Variants in MYT1L observed in about 807,000 individuals in gnomAD.
MYT1L encodes the protein myelin transcription factor 1-like protein.
In MYT1L, 12 loss-of-function variants were observed where a neutral mutation model predicts 126.7. The observed-to-expected ratio is 0.09, with a 90% CI of 0.06 to 0.15. The LOEUF (loss-of-function observed/expected upper bound fraction) is 0.15. Ranked by LOEUF, MYT1L falls within the 10% of genes least tolerant of loss-of-function variation. The pLI, the probability that MYT1L is intolerant of heterozygous loss-of-function variation, is 1.00. For missense variants in MYT1L, 979 were observed against 1,585.2 expected (o/e 0.62, Z 6.49); for synonymous variants, 541 against 604.2 (o/e 0.90, Z 1.53).
chr2:2,252,312 G>A (rs2094676151), intron 2 of MYT1L, among the ~76,000 whole-genome samples: 1 of 152,136 alleles, frequency 6.6e-6, no homozygotes, highest in Admixed American at 6.5e-5. Flanking sequence ...TCAGGTTCCA[G>A]GCTAAGATTC....
chr2:2,279,568 T>TGAAGGAAG (rs199817306), intron 2 of MYT1L, among the ~76,000 whole-genome samples: 2,061 of 145,020 alleles, frequency 0.014, 37 homozygotes, highest in South Asian at 0.071. Context: ...AATGAATGAA[T>TGAAGGAAG]GAAGGAAGGA....
chr2:2,026,224 C>T (rs891723725), intron 4 of MYT1L, among the ~76,000 whole-genome samples: 2 of 152,166 alleles, frequency 1.3e-5, no homozygotes, highest in South Asian at 2.1e-4. Context: ...TGCCATATGA[C>T]GTGGCCCCAG....
At chr2:2,095,441 C>T (rs748982697) in intron 3 of MYT1L, among the ~76,000 whole-genome samples, 10 of 152,132 alleles carry the variant, frequency 6.6e-5, no homozygotes, top group African/African-American at 1.2e-4. Context: ...AGGACTGTGG[C>T]GTCATAAGAA....
chr2:2,194,562 A>T (rs141467472), intron 2 of MYT1L, among the ~76,000 whole-genome samples: 33 of 152,282 alleles, frequency 2.2e-4, no homozygotes, highest in Admixed American at 3.9e-4. Flanking sequence ...CTGTGTGTAC[A>T]TGCCCACTTT....
At chr2:1,836,505 C>T (rs1264295922) in intron 21 of MYT1L, among the ~76,000 whole-genome samples, 4 of 151,344 alleles carry the variant, frequency 2.6e-5, no homozygotes, top group Admixed American at 6.6e-5. Flanking sequence ...TTCCATCAGC[C>T]TGCACCCAAT....
At chr2:2,084,856 G>A (rs532161635) in intron 3 of MYT1L, among the ~76,000 whole-genome samples, 1 of 152,354 alleles carries the variant, frequency 6.6e-6, no homozygotes, top group South Asian at 2.1e-4. Flanking sequence ...ATCATCTACA[G>A]TATAACCTGG....
Position 2,054,129 on chromosome 2 carries a change from G to GA in MYT1L, c.-303-7dup, listed in dbSNP as rs1447131241. 1 of 152,620 alleles carries GA rather than the reference G, an allele frequency of 6.6e-6. No individual in the cohort carries two copies. Among genetic ancestry groups the GA allele is most frequent in the East Asian group, 1.9e-4 (1 of 5,204 alleles). 9.5% of individuals were successfully genotyped at this position (152,620 alleles called of 1,614,324 possible). On this transcript the variant is annotated splice_region_variant and splice_polypyrimidine_tract_variant and intron_variant, in intron 3 of 24. Transcript: ENST00000647738. ...TTCCACCAGATGTGGCCACTCTAGA[G>GA]AAGAACAAAAAGGCAGAATAATGAG...
At chr2:1,904,905 T>G (rs1052887391) in intron 13 of MYT1L, among the ~76,000 whole-genome samples, 6 of 151,960 alleles carry the variant, frequency 3.9e-5, no homozygotes, top group African/African-American at 1.4e-4. Flanking sequence ...ACCATTCTCC[T>G]GCCTCAGCCT....
intron 1 of MYT1L, among the ~76,000 whole-genome samples, chr2:2,314,533 C>A (rs989133926): frequency 2.0e-5 from 3 of 152,164 alleles, no homozygotes; most frequent in Non-Finnish European, 2.9e-5. Context: ...GCTTTCCCTT[C>A]TGTGATTTCT....
intron 4 of MYT1L, among the ~76,000 whole-genome samples, chr2:2,012,541 T>C (rs2063936507): frequency 6.6e-6 from 1 of 152,226 alleles, no homozygotes; most frequent in African/African-American, 2.4e-5. Context: ...CTTGTTTGTA[T>C]CTGTGACTAT....
intron 21 of MYT1L, among the ~76,000 whole-genome samples, chr2:1,836,294 C>A (rs1364096097): frequency 6.8e-6 from 1 of 147,462 alleles, no homozygotes; most frequent in African/African-American, 2.5e-5. Flanking sequence ...CCCCAATACT[C>A]CATCAGCCTG....
At chr2:2,211,406 G>GT (rs1313047559) in intron 2 of MYT1L, among the ~76,000 whole-genome samples, 10 of 151,434 alleles carry the variant, frequency 6.6e-5, no homozygotes, top group East Asian at 3.9e-4. Flanking sequence ...TTCATGTATC[G>GT]TTTTTTTTAA....
chr2:2,094,588 G>A (rs1016196534), intron 3 of MYT1L, among the ~76,000 whole-genome samples: 4 of 152,072 alleles, frequency 2.6e-5, no homozygotes, highest in Admixed American at 1.3e-4. Context: ...AATACTATGT[G>A]GCCATAAAAA....
intron 3 of MYT1L, among the ~76,000 whole-genome samples, chr2:2,121,012 G>A (rs2080919236): frequency 6.6e-6 from 1 of 152,190 alleles, no homozygotes; most frequent in Non-Finnish European, 1.5e-5. Flanking sequence ...GGCCGGCGCG[G>A]AGGAACCAGC....
At chr2:2,199,160 C>A (rs1019881047) in intron 2 of MYT1L, among the ~76,000 whole-genome samples, 1 of 152,154 alleles carries the variant, frequency 6.6e-6, no homozygotes, top group Non-Finnish European at 1.5e-5. Context: ...ACAATGAGAT[C>A]TTTACAAACA....
In MYT1L at chr2:2,131,080, G is replaced by A. The variant is rs150947535; in HGVS notation, c.-304+41792C>T. 6.1e-4 allele frequency among the ~76,000 whole-genome samples: 93 copies of A among 152,282 alleles called. 1 individual carries two copies. In the East Asian group the frequency reaches 0.017, roughly 27 times the overall value. ...TGCGATACCTTATGGAAGTAGAGAC[G>A]GGATGGTCTTCAACAGCAGCAGCTG... On this transcript the variant is annotated intron_variant, in intron 3 of 24. Transcript: ENST00000647738.
chr2:1,826,855 TG>T (rs1263946527), intron 21 of MYT1L: 1 of 47,890 alleles, frequency 2.1e-5, no homozygotes, highest in Non-Finnish European at 4.5e-5. Context: ...GAGCATGGGG[TG>T]GGGGTCGGGA....
intron 21 of MYT1L, among the ~76,000 whole-genome samples, chr2:1,832,784 GGGCCCT>G (rs2040363935): frequency 6.6e-6 from 1 of 152,184 alleles, no homozygotes; most frequent in Non-Finnish European, 1.5e-5. Flanking sequence ...GGCTCCTGAA[GGGCCCT>G]GGCCTGTTCA....
intron 21 of MYT1L, among the ~76,000 whole-genome samples, chr2:1,815,436 C>A (rs1390029665): frequency 1.3e-5 from 2 of 152,356 alleles, no homozygotes; most frequent in East Asian, 3.9e-4. Flanking sequence ...CAGCTCTACC[C>A]CAGCAGGGTC....
Sources: gnomAD v4.1 joint callset for allele counts (sites outside exome capture counted in the v4.1 genomes callset) on GRCh38, gnomAD v4.1.1 for gene constraint, MANE v1.5 for transcripts, NCBI Gene and HGNC (gene_info 2026-07-23, HGNC 2026-07-21) for gene names.